QARS1: variants seen among roughly 807,000 people sequenced by gnomAD.
QARS1 encodes glutaminyl-tRNA synthetase 1.
In QARS1, 79 loss-of-function variants were observed where a neutral mutation model predicts 106.9. That is an observed-to-expected ratio of 0.74 (90% confidence interval 0.62 to 0.89). The LOEUF (loss-of-function observed/expected upper bound fraction) is 0.89. Ranked by LOEUF, QARS1 falls within the 40% of genes least tolerant of loss-of-function variation. The pLI, the probability that QARS1 is intolerant of heterozygous loss-of-function variation, is 0.00. For missense variants in QARS1, 966 were observed against 997.2 expected, an observed-to-expected ratio of 0.97 and a Z score of 0.42; for synonymous variants, 395 against 367.7, an observed-to-expected ratio of 1.07 and a Z score of -0.85.
Position 49,098,487 on chromosome 3 carries a change from G to A in QARS1, c.1957-7C>T. ...CTACACAACCACTGGGGCCCTGGAA[G>A]TGGGGGGAGGGGAGCAGCAATTAGA... On this transcript the variant is annotated splice_region_variant and splice_polypyrimidine_tract_variant and intron_variant, in intron 20 of 23. Transcript: ENST00000306125. The A allele has an allele frequency of 6.2e-7, 1 of 1,614,158 alleles. No homozygotes were observed. The highest frequency in any genetic ancestry group is 1.7e-5 in the Admixed American group (1 of 60,024).
chr3:49,098,172 C>T lies in QARS1; in HGVS notation c.2151+20G>A. On this transcript the variant is annotated intron_variant, in intron 22 of 23. Coordinates refer to ENST00000306125, the MANE Select transcript of QARS1 (RefSeq NM_005051.3). ...AACCAGGGAGGCCTACCTCCCTCACCCCAAACCTCATGAACCTACCAGGTT... is the reference window on the plus strand; with the variant it reads ...AACCAGGGAGGCCTACCTCCCTCACTCCAAACCTCATGAACCTACCAGGTT... The T allele has an allele frequency of 6.2e-7, 1 of 1,614,190 alleles. No homozygotes were observed. Among genetic ancestry groups the T allele is most frequent in the Non-Finnish European group, 8.5e-7 (1 of 1,180,032 alleles).
In QARS1 at chr3:49,098,440, C is replaced by T; in HGVS notation, c.1997G>A (p.Arg666Lys). 6.2e-7 allele frequency: 1 copy of T among 1,614,238 alleles called. No homozygotes were observed. The highest frequency in any genetic ancestry group is 8.5e-7 in the Non-Finnish European group (1 of 1,180,048). Residue 666 changes from arginine (R) to lysine (K), a missense_variant, in exon 21 of 24, where the codon AGA becomes AAA. Arg to Lys is a conservative substitution (Grantham distance 26). Transcript: ENST00000306125. The stretch of plus-strand genomic sequence containing the variant: ...TGGCTTCTCTCCAGCATCTGCCCGT[C>T]TGCAGGTCACCTCCAGACTCTCTAC... ...GCVESLEVTC[R>K]RADAGEKPKA...
Position 49,095,996 on chromosome 3 carries a change from C to T in QARS1, c.*33G>A, listed in dbSNP as rs775823787. 8 of 1,609,726 alleles carry T rather than the reference C, an allele frequency of 5.0e-6. No homozygotes were observed. In the East Asian group the frequency reaches 1.3e-4, roughly 27 times the overall value. ...GGGGTGGCGAGGGTAGCCACACCCT[C>T]CAGGAGGATGAGGTAGGTTCAGTGC... On this transcript the variant is annotated 3_prime_UTR_variant, in exon 24 of 24. Coordinates refer to ENST00000306125, the MANE Select transcript of QARS1 (RefSeq NM_005051.3).
Position 49,104,696 on chromosome 3 carries a change from A to C in QARS1, c.38T>G (p.Leu13Arg). ...ALDSLSLFTS[L>R]GLSEQKARET... ...GCGGGCCTTCTGCTCGCTCAGGCCG[A>C]GGCTAGTGAAGAGCGACAGGGAGTC... is the stretch of plus-strand genomic sequence containing the variant. The change falls in exon 1 of 24, where the codon CTC (leucine) becomes CGC (arginine). Residue 13 changes from leucine (L) to arginine (R), a missense_variant. Transcript: ENST00000306125. 1.2e-6 allele frequency: 2 copies of C among 1,612,302 alleles called. No individual in the cohort carries two copies. Among genetic ancestry groups the C allele is most frequent in the Non-Finnish European group, 1.7e-6 (2 of 1,178,990 alleles).
rs370232570 is a variant in QARS1 at position 49,099,416 on chromosome 3, T to G, written c.1542A>C (p.Pro514=). 2 of 1,614,118 alleles carry G rather than the reference T, an allele frequency of 1.2e-6. No individual in the cohort carries two copies. The highest frequency in any genetic ancestry group is 3.3e-5 in the Admixed American group (2 of 60,018). The change falls in exon 17 of 24, where the codon CCA becomes CCC. Residue 514 remains proline (P), a synonymous_variant. Coordinates refer to ENST00000306125, the MANE Select transcript of QARS1 (RefSeq NM_005051.3). ...ATGAVRDWDD[P]RLFTLTALRR... ...GCAGGGCCGTGAGTGTAAAGAGCCG[T>G]GGGTCATCCCAGTCCCTGTGGATAA...
At position 49,100,466 on chromosome 3, in the gene QARS1, A is replaced by T; in HGVS notation, c.977-8T>A. ...CTTTGTAAGGTGTGTAGCCTGGGGCAAAATGAAACAAAGTATGAGCAGCCA... is the reference window on the plus strand; with the variant it reads ...CTTTGTAAGGTGTGTAGCCTGGGGCTAAATGAAACAAAGTATGAGCAGCCA... On this transcript the variant is annotated splice_region_variant and splice_polypyrimidine_tract_variant and intron_variant, in intron 11 of 23. Coordinates refer to ENST00000306125, the MANE Select transcript of QARS1 (RefSeq NM_005051.3). The T allele has an allele frequency of 6.2e-7, 1 of 1,613,850 alleles. No homozygotes were observed. The highest frequency in any genetic ancestry group is 8.5e-7 in the Non-Finnish European group (1 of 1,179,684).
At chr3:49,098,803 A>C in intron 19 of QARS1, 82 bp downstream of exon 19, 1 of 1,499,094 alleles carries the variant, frequency 6.7e-7, no homozygotes, top group Non-Finnish European at 9.3e-7. Context: ...CAGGAAGTAG[A>C]TGGACTGACA....
intron 20 of QARS1, 36 bp from the exon 21 acceptor site, chr3:49,098,516 GGGAAC>G (rs2042422484): frequency 1.2e-6 from 2 of 1,613,684 alleles, no homozygotes; most frequent in East Asian, 4.5e-5. Context: ...AATTAGACCC[GGGAAC>G]CACAACCAGG....
Position 49,100,181 on chromosome 3 carries a change from G to A in QARS1, c.1164+9C>T, listed in dbSNP as rs1254397076. 11 of 1,614,178 alleles carry A rather than the reference G, an allele frequency of 6.8e-6. No homozygotes were observed. Among genetic ancestry groups the A allele is most frequent in the South Asian group, 1.1e-5 (1 of 91,082 alleles). Reference sequence around the variant, plus strand: ...CCACCCAAACCCAGATGCTCCTCTAGGACCCCACCTCAAAGAGCAGCAGTG... The same window carrying A: ...CCACCCAAACCCAGATGCTCCTCTAAGACCCCACCTCAAAGAGCAGCAGTG... On this transcript the variant is annotated intron_variant, in intron 13 of 23. Coordinates refer to ENST00000306125, the MANE Select transcript of QARS1 (RefSeq NM_005051.3).
At chr3:49,102,623 G>A in intron 5 of QARS1, 151 bp from the exon 6 acceptor site, 1 of 766,882 alleles carries the variant, frequency 1.3e-6, no homozygotes, top group East Asian at 2.7e-5. Context: ...TCTCATGTGG[G>A]TCTGCTAGCT....
At position 49,098,965 on chromosome 3, in the gene QARS1, A is replaced by G; in HGVS notation, c.1783T>C (p.Phe595Leu). 2 of 1,614,104 alleles carry G rather than the reference A, an allele frequency of 1.2e-6. No individual in the cohort carries two copies. The highest frequency in any genetic ancestry group is 2.2e-5 in the South Asian group (2 of 91,086). The change falls in exon 19 of 24, where the codon TTC (phenylalanine) becomes CTC (leucine). Residue 595 changes from phenylalanine to leucine, a missense_variant. Physicochemically the swap from Phe to Leu is conservative, Grantham distance 22. Transcript: ENST00000306125. ...AKSLDIQVPN[F>L]PADETKGFHQ... Reference sequence around the variant, plus strand: ...AAGCCTTTGGTCTCATCAGCTGGGAAGTTGGGCACCTGGATGTCCAAGGAC... The same window carrying G: ...AAGCCTTTGGTCTCATCAGCTGGGAGGTTGGGCACCTGGATGTCCAAGGAC...
rs2042480160 is a variant in QARS1, at chr3:49,102,198, T to G, written c.631+7A>C. 1 of 1,614,092 alleles carries G rather than the reference T, an allele frequency of 6.2e-7. No homozygotes were observed. The highest frequency in any genetic ancestry group is 8.5e-7 in the Non-Finnish European group (1 of 1,180,046). On this transcript the variant is annotated splice_region_variant and intron_variant, in intron 7 of 23. Coordinates refer to ENST00000306125, the MANE Select transcript of QARS1 (RefSeq NM_005051.3). ...GAATGCTGTGACAGGAGTCTCAAGC[T>G]TCTCACCATTCTCCACCACATCCTT... is the stretch of plus-strand genomic sequence containing the variant.
chr3:49,098,758 AC>A (rs934072259), intron 19 of QARS1, 66 bp from the exon 20 acceptor site: 6 of 1,502,252 alleles, frequency 4.0e-6, no homozygotes. Context: ...AAGCTTCCCT[AC>A]CCCCGTGTCT....
chr3:49,098,332 A>G, intron 21 of QARS1, 21 bp downstream of exon 21: 1 of 1,614,104 alleles, frequency 6.2e-7, no homozygotes, highest in Non-Finnish European at 8.5e-7. Flanking sequence ...ACCTGCCCCC[A>G]CCCCAGCTCT....
rs770587253 is a variant in QARS1 at position 49,096,798 on chromosome 3, C to CAAAAAAAAAAAAAAAAAAAA, written c.2278-739_2278-720dup. On this transcript the variant is annotated intron_variant, in intron 23 of 23. Coordinates refer to ENST00000306125, the MANE Select transcript of QARS1 (RefSeq NM_005051.3). ...CTGGGCGACATGTGAGACTCCGTCT[C>CAAAAAAAAAAAAAAAAAAAA]AAAAAAAAAAAAAAAAAAAAAAAAA... Among the ~76,000 whole-genome samples the CAAAAAAAAAAAAAAAAAAAA allele has an allele frequency of 4.9e-4, 7 of 14,154 alleles. 1 individual carries two copies. The highest frequency in any genetic ancestry group is 1.3e-3 in the Admixed American group (1 of 752). The allele number at this position is 14,154 out of a possible 152,430, so 9.3% of individuals were successfully genotyped here. A position where few individuals can be genotyped will look rare whatever the true frequency, so the allele number is the denominator to read the frequency against.
intron 23 of QARS1, among the ~76,000 whole-genome samples, chr3:49,097,774 G>A (rs925190617): frequency 2.0e-5 from 3 of 152,086 alleles, no homozygotes; most frequent in Admixed American, 6.5e-5. Flanking sequence ...CCAGCCCCGG[G>A]CGACAGTGCA....
intron 23 of QARS1, 85 bp from the exon 24 acceptor site, chr3:49,096,164 C>T (rs1402256558): frequency 1.4e-6 from 2 of 1,405,828 alleles, no homozygotes; most frequent in East Asian, 4.6e-5. Flanking sequence ...ACACCTCCCC[C>T]TAACATCCTT....
At position 49,100,457 on chromosome 3, in the gene QARS1, G is replaced by A; in HGVS notation, c.978C>T (p.Gly326=). The change falls in exon 12 of 24, where the codon GGC becomes GGT. Residue 326 remains glycine, a splice_region_variant and synonymous_variant. Transcript: ENST00000306125. ...TAICDMVAWL[G]YTPYKVTYAS... ...CATATGTGACTTTGTAAGGTGTGTA[G>A]CCTGGGGCAAAATGAAACAAAGTAT... 1.2e-6 allele frequency: 2 copies of A among 1,614,136 alleles called. No individual in the cohort carries two copies. The highest frequency in any genetic ancestry group is 1.7e-6 in the Non-Finnish European group (2 of 1,179,982).
Position 49,099,651 on chromosome 3 carries a change from G to A in QARS1, c.1389-4C>T. On this transcript the variant is annotated splice_region_variant and splice_polypyrimidine_tract_variant and intron_variant, in intron 15 of 23. Transcript: ENST00000306125. ...AAGCCAGAAGTAGGAAGAGCGTCTGGGGTGGGAGAGTAGGGTTAGCACTGG... is the reference window on the plus strand; with the variant it reads ...AAGCCAGAAGTAGGAAGAGCGTCTGAGGTGGGAGAGTAGGGTTAGCACTGG... The A allele has an allele frequency of 6.2e-7, 1 of 1,614,058 alleles. No homozygotes were observed. The highest frequency in any genetic ancestry group is 8.5e-7 in the Non-Finnish European group (1 of 1,180,000).
Sources: allele counts gnomAD v4.1 joint callset (sites outside exome capture counted in the v4.1 genomes callset), GRCh38; gene constraint gnomAD v4.1.1; transcripts MANE v1.5; gene names NCBI Gene and HGNC (gene_info 2026-07-23, HGNC 2026-07-21).